FRMD4A: variants seen among roughly 807,000 people sequenced by gnomAD.
FRMD4A encodes the protein FERM domain containing 4A, also known as FERM domain-containing protein 4A.
Under a neutral mutation model 129.1 loss-of-function variants are expected in FRMD4A, and 29 were observed. That is an observed-to-expected ratio of 0.22 (90% CI 0.17 to 0.31). The LOEUF (loss-of-function observed/expected upper bound fraction) is 0.31. Among genes scored for constraint, FRMD4A ranks in the 10% least tolerant of loss-of-function variants. FRMD4A has a pLI of 1.00. For synonymous variants in FRMD4A, 634 were observed against 571.6 expected (o/e 1.11, Z -1.56); for missense variants, 1,272 against 1,375.8 (o/e 0.92, Z 1.19).
rs900004039 is a variant in FRMD4A, at chr10:13,706,918, C to A, written c.836+119G>T. On this transcript the variant is annotated intron_variant, in intron 13 of 24. Transcript: ENST00000357447. ...GATTTGAGCTCCATTCCCCAGGAGC[C>A]CCCACCCTCGCTCCCTGCTCCAAAC... The A allele has an allele frequency of 4.8e-6, 3 of 629,082 alleles. No homozygotes were observed. The African/African-American group carries it at 5.5e-5, about 11-fold the overall frequency. The allele number at this position is 629,082 out of a possible 1,614,324, so 39.0% of individuals were successfully genotyped here.
chr10:13,973,793 G>A (rs1177075018), intron 2 of FRMD4A, among the ~76,000 whole-genome samples: 2 of 144,406 alleles, frequency 1.4e-5, no homozygotes, highest in Non-Finnish European at 3.0e-5. Flanking sequence ...AAGGGAGGGA[G>A]GGTGAAGAGT....
At position 13,911,051 on chromosome 10, in the gene FRMD4A, A is replaced by G. The variant is rs141503971; in HGVS notation, c.46-52139T>C. ...TTCCTTCTCAGCCAGGGAAAGTGCT[A>G]TGTGGAGTTTTCAAACTCATAGATG... On this transcript the variant is annotated intron_variant, in intron 2 of 24. Coordinates refer to ENST00000357447, the MANE Select transcript of FRMD4A (RefSeq NM_018027.5). Among the ~76,000 whole-genome samples, 983 of 152,272 alleles carry G rather than the reference A, an allele frequency of 6.5e-3. 10 individuals carry two copies. The highest frequency in any genetic ancestry group is 0.022 in the African/African-American group (933 of 41,552).
At chr10:13,779,640 T>C (rs2092687441) in intron 6 of FRMD4A, among the ~76,000 whole-genome samples, 1 of 152,228 alleles carries the variant, frequency 6.6e-6, no homozygotes. Flanking sequence ...TCAGCTGGTG[T>C]ATACCTCAAA....
chr10:13,793,580 G>T (rs918677831), intron 5 of FRMD4A, among the ~76,000 whole-genome samples: 3 of 152,168 alleles, frequency 2.0e-5, no homozygotes, highest in Admixed American at 6.5e-5. Flanking sequence ...AGGATTTGAG[G>T]AATCTGGGAG....
intron 2 of FRMD4A, among the ~76,000 whole-genome samples, chr10:14,244,166 A>C (rs1023460165): frequency 6.6e-6 from 1 of 152,190 alleles, no homozygotes; most frequent in Non-Finnish European, 1.5e-5. Context: ...GAACACAATC[A>C]CTTTAAGAAA....
chr10:13,869,462 C>G (rs1432390337), intron 2 of FRMD4A, among the ~76,000 whole-genome samples: 3 of 152,260 alleles, frequency 2.0e-5, no homozygotes, highest in African/African-American at 7.2e-5. Flanking sequence ...GGCCAAGATT[C>G]CGCTGGGGCG....
intron 2 of FRMD4A, among the ~76,000 whole-genome samples, chr10:14,114,596 G>A (rs1004867741): frequency 7.2e-5 from 11 of 152,220 alleles, no homozygotes; most frequent in Non-Finnish European, 1.5e-4. Context: ...TTGACAATGA[G>A]GGAGGGGCGT....
intron 2 of FRMD4A, among the ~76,000 whole-genome samples, chr10:14,320,490 A>T (rs1846934145): frequency 6.6e-6 from 1 of 152,092 alleles, no homozygotes; most frequent in Non-Finnish European, 1.5e-5. Context: ...CCAACATGAT[A>T]TACACTTTTC....
chr10:13,658,742 C>T (rs995344383), intron 21 of FRMD4A, among the ~76,000 whole-genome samples: 2 of 151,972 alleles, frequency 1.3e-5, no homozygotes, highest in Admixed American at 6.6e-5. Context: ...ATTAGCCAGG[C>T]GTGGTGGTAG....
intron 15 of FRMD4A, chr10:13,685,505 G>T: frequency 3.0e-6 from 3 of 985,192 alleles, no homozygotes; most frequent in Non-Finnish European, 3.6e-6. Flanking sequence ...TATCTTCTGG[G>T]TCCAAGCTTG....
intron 2 of FRMD4A, among the ~76,000 whole-genome samples, chr10:14,120,776 A>G (rs1020846614): frequency 1.3e-5 from 2 of 152,052 alleles, no homozygotes; most frequent in Admixed American, 6.5e-5. Context: ...ACATGCAGAC[A>G]CTGAGACCCA....
chr10:14,259,479 A>G (rs533038554), intron 2 of FRMD4A, among the ~76,000 whole-genome samples: 3 of 152,306 alleles, frequency 2.0e-5, no homozygotes, highest in African/African-American at 7.2e-5. Context: ...CAGTGAGATC[A>G]GTATTCATAC....
At chr10:13,859,037 T>C (rs2094254793) in intron 2 of FRMD4A, 125 bp from the exon 3 acceptor site, 2 of 708,476 alleles carry the variant, frequency 2.8e-6, no homozygotes, top group Non-Finnish European at 5.2e-6. Flanking sequence ...GAGTCGGCAC[T>C]GTATAATGCC....
intron 2 of FRMD4A, among the ~76,000 whole-genome samples, chr10:14,274,676 T>C (rs1384411202): frequency 4.6e-5 from 7 of 151,986 alleles, no homozygotes; most frequent in Admixed American, 3.3e-4. Flanking sequence ...ATTGGAAAAA[T>C]GAAGGGACAA....
chr10:13,872,001 C>A (rs540160101), intron 2 of FRMD4A, among the ~76,000 whole-genome samples: 169 of 152,376 alleles, frequency 1.1e-3, no homozygotes, highest in Middle Eastern at 3.4e-3. Context: ...ACTTCACCAA[C>A]GTGGCCTCCT....
intron 2 of FRMD4A, among the ~76,000 whole-genome samples, chr10:14,068,335 G>GGGA (rs1835158578): frequency 2.6e-5 from 4 of 152,118 alleles, no homozygotes; most frequent in African/African-American, 9.7e-5. Flanking sequence ...GAGTGAAATG[G>GGGA]TTATGCCTAA....
chr10:14,030,272 T>C (rs562429951), intron 2 of FRMD4A, among the ~76,000 whole-genome samples: 3 of 152,306 alleles, frequency 2.0e-5, no homozygotes, highest in African/African-American at 7.2e-5. Context: ...AAAATGTTTT[T>C]TAGAAAAAGA....
chr10:13,656,785 G>T lies in FRMD4A; in HGVS notation c.2804C>A (p.Ser935Tyr). The change falls in exon 22 of 25, where the codon TCC becomes TAC. Residue 935 changes from serine (S) to tyrosine (Y), a missense_variant. Around this residue, in one of 2 missense-constraint regions of FRMD4A, gnomAD observed 972 missense variants for 892.3 expected, o/e 1.09. Transcript: ENST00000357447. ...SDELRQWYQRSTASHKEHSRL... is the reference protein window; with the variant it reads ...SDELRQWYQRYTASHKEHSRL... ...GCTGTGCTCCTTGTGCGAGGCGGTG[G>T]AACGCTGGTACCACTGGCGCAGCTC... is the stretch of plus-strand genomic sequence containing the variant. 6.3e-7 allele frequency: 1 copy of T among 1,595,860 alleles called. No individual in the cohort carries two copies.
At chr10:13,863,051 A>G (rs1377265449) in intron 2 of FRMD4A, among the ~76,000 whole-genome samples, 1 of 151,996 alleles carries the variant, frequency 6.6e-6, no homozygotes, top group Non-Finnish European at 1.5e-5. Context: ...ATAGATGTCA[A>G]CTGGCAACCA....
Sources: gnomAD v4.1 joint callset for allele counts (sites outside exome capture counted in the v4.1 genomes callset) on GRCh38, gnomAD v4.1.1 for gene constraint, gnomAD v4.1.1 regional missense constraint, MANE v1.5 for transcripts, NCBI Gene and HGNC (gene_info 2026-07-23, HGNC 2026-07-21) for gene names.